The following SPOP variants were observed in gnomAD, a reference collection of about 807,000 sequenced individuals.
The protein encoded by SPOP is speckle-type POZ protein.
Under a neutral mutation model 45.6 loss-of-function variants are expected in SPOP, and 11 were observed. That is an observed-to-expected ratio of 0.24 (90% CI 0.15 to 0.40). The LOEUF (loss-of-function observed/expected upper bound fraction) is 0.40, where lower values mean the gene tolerates loss of function less well. SPOP is among the 10% of genes least tolerant of loss of function. The probability of loss-of-function intolerance (pLI) is 1.00; values close to 1 mark genes in which losing one functional copy is unlikely to be tolerated. For synonymous variants in SPOP, 166 were observed against 166.3 expected (o/e 1.00, Z 0.01); for missense variants, 152 against 465.6 (o/e 0.33, Z 6.20).
chr17:49,616,824 C>G (rs1284920122), intron 5 of SPOP, among the ~76,000 whole-genome samples: 1 of 152,218 alleles, frequency 6.6e-6, no homozygotes, highest in African/African-American at 2.4e-5. Flanking sequence ...ATGGCATCAG[C>G]AGAACCCAGC....
At chr17:49,642,293 T>G (rs747785127) in intron 1 of SPOP, among the ~76,000 whole-genome samples, 20 of 151,952 alleles carry the variant, frequency 1.3e-4, no homozygotes, top group Non-Finnish European at 2.9e-4. Flanking sequence ...ATAAAAAAGT[T>G]CTTCAGCACC....
At chr17:49,640,672 T>C (rs541666024) in intron 1 of SPOP, among the ~76,000 whole-genome samples, 1 of 152,244 alleles carries the variant, frequency 6.6e-6, no homozygotes, top group African/African-American at 2.4e-5. Context: ...TCCAGTAAAA[T>C]CCCAACTCCC....
chr17:49,621,676 T>C (rs1324932537), intron 3 of SPOP, among the ~76,000 whole-genome samples: 1 of 152,212 alleles, frequency 6.6e-6, no homozygotes, highest in Non-Finnish European at 1.5e-5. Flanking sequence ...CATTTATGGA[T>C]ATCATTTATA....
chr17:49,604,321 C>A (rs746764850), intron 8 of SPOP, among the ~76,000 whole-genome samples: 10 of 152,162 alleles, frequency 6.6e-5, no homozygotes, highest in Non-Finnish European at 1.3e-4. Flanking sequence ...TCATTGTACT[C>A]ATAAAGTCTT....
At chr17:49,671,985 A>C (rs1341367573) in intron 1 of SPOP, among the ~76,000 whole-genome samples, 2 of 149,082 alleles carry the variant, frequency 1.3e-5, no homozygotes, top group Non-Finnish European at 3.0e-5. Context: ...CTAAAAATAC[A>C]AAAAATTAGC....
At chr17:49,642,493 A>C (rs1427900290) in intron 1 of SPOP, among the ~76,000 whole-genome samples, 1 of 152,204 alleles carries the variant, frequency 6.6e-6, no homozygotes, top group Non-Finnish European at 1.5e-5. Context: ...CTCTGTCTCA[A>C]AAAAAGAGAA....
chr17:49,604,264 G>A (rs1468906198), intron 8 of SPOP, among the ~76,000 whole-genome samples: 1 of 152,078 alleles, frequency 6.6e-6, no homozygotes, highest in Non-Finnish European at 1.5e-5. Context: ...AGTTTCCCCT[G>A]GTCAGAATTG....
intron 1 of SPOP, among the ~76,000 whole-genome samples, chr17:49,656,474 A>G (rs2072914830): frequency 6.6e-6 from 1 of 152,086 alleles, no homozygotes. Flanking sequence ...AAACCTCTCC[A>G]CTACACCACA....
At chr17:49,607,414 C>G (rs771699229) in intron 7 of SPOP, 42 bp from the exon 8 acceptor site, 4 of 1,595,630 alleles carry the variant, frequency 2.5e-6, no homozygotes, top group South Asian at 2.3e-5. Flanking sequence ...TCCAACAGAA[C>G]AAAATCCCTA....
At chr17:49,618,904 C>G in intron 5 of SPOP, 77 bp downstream of exon 5, 1 of 1,507,868 alleles carries the variant, frequency 6.6e-7, no homozygotes, top group Non-Finnish European at 8.9e-7. Context: ...CTCTACATCC[C>G]TGATACAATA....
chr17:49,609,980 CAGGTG>C (rs765698875), intron 6 of SPOP, among the ~76,000 whole-genome samples: 42 of 152,090 alleles, frequency 2.8e-4, no homozygotes, highest in Non-Finnish European at 5.4e-4. Context: ...ACTGAGAATG[CAGGTG>C]AGGTAAGAAG....
At chr17:49,621,113 T>C (rs2072214310) in intron 3 of SPOP, among the ~76,000 whole-genome samples, 1 of 152,256 alleles carries the variant, frequency 6.6e-6, no homozygotes, top group Non-Finnish European at 1.5e-5. Context: ...TCAGGCAAGA[T>C]GACACATAGT....
chr17:49,633,305 G>A (rs1453081113), intron 1 of SPOP, among the ~76,000 whole-genome samples: 1 of 152,110 alleles, frequency 6.6e-6, no homozygotes, highest in Non-Finnish European at 1.5e-5. Context: ...AGCTGAAGAT[G>A]AACAAGAAGG....
chr17:49,611,729 T>C (rs1328215878), intron 5 of SPOP, among the ~76,000 whole-genome samples: 2 of 152,128 alleles, frequency 1.3e-5, no homozygotes, highest in African/African-American at 4.8e-5. Context: ...TTCACCTCCC[T>C]TGGACTACAA....
chr17:49,655,613 T>A (rs1174104957), intron 1 of SPOP, among the ~76,000 whole-genome samples: 1 of 152,154 alleles, frequency 6.6e-6, no homozygotes, highest in Non-Finnish European at 1.5e-5. Context: ...GCTGAAATAA[T>A]AGTAATTATT....
At chr17:49,623,606 A>C (rs566335174) in intron 1 of SPOP, among the ~76,000 whole-genome samples, 1 of 152,270 alleles carries the variant, frequency 6.6e-6, no homozygotes, top group Non-Finnish European at 1.5e-5. Context: ...CCTATGCTTC[A>C]CTGCAAACTT....
At chr17:49,630,319 T>C (rs897883715) in intron 1 of SPOP, among the ~76,000 whole-genome samples, 2 of 152,224 alleles carry the variant, frequency 1.3e-5, no homozygotes, top group Non-Finnish European at 2.9e-5. Context: ...GGTAATCTTT[T>C]CTTTCTCATT....
intron 6 of SPOP, among the ~76,000 whole-genome samples, chr17:49,610,214 T>G (rs1297270399): frequency 6.6e-6 from 1 of 151,942 alleles, no homozygotes; most frequent in African/African-American, 2.4e-5. Flanking sequence ...TAGACTTCCT[T>G]GAGTTTTGTT....
chr17:49,656,539 T>TA (rs1343094582), intron 1 of SPOP, among the ~76,000 whole-genome samples: 1 of 152,184 alleles, frequency 6.6e-6, no homozygotes, highest in Non-Finnish European at 1.5e-5. Context: ...AGCTCATACA[T>TA]ACAACCATAT....
Sources: gnomAD v4.1 joint callset for allele counts (sites outside exome capture counted in the v4.1 genomes callset) on GRCh38, gnomAD v4.1.1 for gene constraint, MANE v1.5 for transcripts, NCBI Gene and HGNC (gene_info 2026-07-23, HGNC 2026-07-21) for gene names.